The following MICAL3 variants were observed in gnomAD, a reference collection of about 807,000 sequenced individuals.
The protein encoded by MICAL3 is microtubule associated monooxygenase, calponin and LIM domain containing 3, also known as [F-actin]-monooxygenase MICAL3.
MICAL3 carries 62 observed loss-of-function variants against 207.4 expected under a neutral mutation model. The observed-to-expected ratio is 0.30, with a 90% CI of 0.24 to 0.37. The LOEUF (loss-of-function observed/expected upper bound fraction) is 0.37, where lower values mean the gene tolerates loss of function less well. Ranked by LOEUF, MICAL3 falls within the 10% of genes least tolerant of loss-of-function variation. The pLI is 1.00. For missense variants in MICAL3, 2,368 were observed against 2,635.6 expected (o/e 0.90, Z 2.22); for synonymous variants, 1,077 against 1,069.3 (o/e 1.01, Z -0.14).
In MICAL3 at chr22:17,893,918, A is replaced by C; in HGVS notation, c.1450-14T>G. 1 of 1,518,816 alleles carries C rather than the reference A, an allele frequency of 6.6e-7. No individual in the cohort carries two copies. Among genetic ancestry groups the C allele is most frequent in the Non-Finnish European group, 9.0e-7 (1 of 1,116,896 alleles). The allele number at this position is 1,518,816 out of a possible 1,614,324, so 94.1% of individuals were successfully genotyped here. On this transcript the variant is annotated splice_polypyrimidine_tract_variant and intron_variant, in intron 10 of 31. Transcript: ENST00000441493. ...TAAATGGCGCACCTGGCAGAAATTTACAAAGTCAAACAGAAAGAAAATCAA... is the reference window on the plus strand; with the variant it reads ...TAAATGGCGCACCTGGCAGAAATTTCCAAAGTCAAACAGAAAGAAAATCAA...
chr22:17,978,181 A>G lies in MICAL3; in HGVS notation c.-75+46100T>C, dbSNP rs143880589. 3.1e-3 allele frequency among the ~76,000 whole-genome samples: 468 copies of G among 152,370 alleles called. 3 individuals carry two copies. Among genetic ancestry groups the G allele is most frequent in the African/African-American group, 0.011 (442 of 41,578 alleles). ...TGAATGGATAAAGAAAATGTGGTGC[A>G]TACATAAAATGGAATATTATTCTGC... is the stretch of plus-strand genomic sequence containing the variant. On this transcript the variant is annotated intron_variant, in intron 1 of 31. Transcript: ENST00000441493.
chr22:17,908,095 G>C (rs1180505889), intron 1 of MICAL3, among the ~76,000 whole-genome samples: 2 of 152,118 alleles, frequency 1.3e-5, no homozygotes, highest in East Asian at 3.9e-4. Context: ...CACTGGAACT[G>C]TATTGGAAGG....
chr22:17,935,968 A>C (rs1933499691), intron 1 of MICAL3, among the ~76,000 whole-genome samples: 1 of 152,326 alleles, frequency 6.6e-6, no homozygotes, highest in South Asian at 2.1e-4. Flanking sequence ...ACGCTTTTAC[A>C]CTGTTGGTGG....
chr22:17,914,542 T>C (rs1324596640), intron 1 of MICAL3, among the ~76,000 whole-genome samples: 3 of 152,150 alleles, frequency 2.0e-5, no homozygotes, highest in Admixed American at 6.5e-5. Context: ...TGAAAGCTCA[T>C]GAGAATGCAT....
chr22:17,852,645 G>A (rs1347718819), intron 19 of MICAL3, among the ~76,000 whole-genome samples: 1 of 152,194 alleles, frequency 6.6e-6, no homozygotes, highest in Non-Finnish European at 1.5e-5. Context: ...CTCCAAAGGG[G>A]CCACCTGAGG....
intron 1 of MICAL3, among the ~76,000 whole-genome samples, chr22:17,962,130 A>G (rs1187320420): frequency 6.6e-6 from 1 of 152,236 alleles, no homozygotes; most frequent in Non-Finnish European, 1.5e-5. Flanking sequence ...CTGACTGCAC[A>G]TATCACATGG....
chr22:17,849,488 T>C (rs568788026), intron 19 of MICAL3, among the ~76,000 whole-genome samples: 1 of 152,144 alleles, frequency 6.6e-6, no homozygotes, highest in Non-Finnish European at 1.5e-5. Context: ...GTGTGCGCCA[T>C]CACGCCTGGC....
In MICAL3 at chr22:17,870,392, G is replaced by A. The variant is rs569019696; in HGVS notation, c.2428+1445C>T. On this transcript the variant is annotated intron_variant, in intron 17 of 31. Transcript: ENST00000441493. ...CCTAGGCTGTGTAACCGAGCCTTTC[G>A]CTGCACACACTCGTGTCGCCTGCTA... is the stretch of plus-strand genomic sequence containing the variant. Among the ~76,000 whole-genome samples, 45 of 152,130 alleles carry A rather than the reference G, an allele frequency of 3.0e-4. No individual in the cohort carries two copies. The South Asian group carries it at 7.9e-3, about 27-fold the overall frequency.
intron 1 of MICAL3, among the ~76,000 whole-genome samples, chr22:17,943,591 A>T (rs974025895): frequency 3.9e-5 from 6 of 152,240 alleles, no homozygotes; most frequent in African/African-American, 1.4e-4. Flanking sequence ...TCCTTACTCA[A>T]GGTGCCCAAG....
At chr22:17,791,367 A>G (rs1311607765) in intron 29 of MICAL3, 66 bp from the exon 30 acceptor site, 3 of 1,369,166 alleles carry the variant, frequency 2.2e-6, no homozygotes, top group Non-Finnish European at 3.1e-6. Context: ...CAGGAATCAC[A>G]CGGGGCAAAT....
intron 1 of MICAL3, among the ~76,000 whole-genome samples, chr22:17,989,135 C>T (rs1342913731): frequency 6.6e-6 from 1 of 152,150 alleles, no homozygotes; most frequent in Non-Finnish European, 1.5e-5. Flanking sequence ...CCCATAAAGC[C>T]CACACTGTAC....
intron 5 of MICAL3, among the ~76,000 whole-genome samples, chr22:17,901,543 G>A (rs372171565): frequency 3.9e-5 from 6 of 152,246 alleles, no homozygotes; most frequent in South Asian, 2.1e-4. Context: ...GGTGGCACGC[G>A]CCTGTAGTCC....
Position 17,887,186 on chromosome 22 carries a change from G to A in MICAL3, c.2051C>T (p.Thr684Ile). The stretch of plus-strand genomic sequence containing the variant: ...GAATCTCACCTCCTCTGATTGACTG[G>A]TCTTTCTCCTCTTCCCAGCACCATC... ...DLDGAGKRRK[T>I]SQSEEEEAPR... Residue 684 changes from threonine to isoleucine, a missense_variant, in exon 15 of 32, where the codon ACC becomes ATC. Around this residue, in one of 4 missense-constraint regions of MICAL3, gnomAD observed 1,770 missense variants for 1,863.2 expected, o/e 0.95. Transcript: ENST00000441493. 6.2e-7 allele frequency: 1 copy of A among 1,613,546 alleles called. No homozygotes were observed. The highest frequency in any genetic ancestry group is 8.5e-7 in the Non-Finnish European group (1 of 1,179,702).
rs1322185320 is a variant in MICAL3 at position 17,816,699 on chromosome 22, G to A, written c.5436C>T (p.Ser1812=). 1 of 1,552,786 alleles carries A rather than the reference G, an allele frequency of 6.4e-7. No individual in the cohort carries two copies. The highest frequency in any genetic ancestry group is 8.7e-7 in the Non-Finnish European group (1 of 1,147,774). ...CTGCCTGACTACCCACCTCTCGCCGGGACTTCTGTGAGGACTTCTCAAGGA... is the reference window on the plus strand; with the variant it reads ...CTGCCTGACTACCCACCTCTCGCCGAGACTTCTGTGAGGACTTCTCAAGGA... The part of the protein sequence containing the change: ...DDVLEKSSQK[S]RREPRTYTEE... Residue 1812 remains serine, a synonymous_variant, in exon 27 of 32, where the codon TCC becomes TCT. Transcript: ENST00000441493.
chr22:17,903,173 C>T (rs1931456366), intron 3 of MICAL3, among the ~76,000 whole-genome samples: 1 of 152,258 alleles, frequency 6.6e-6, no homozygotes. Flanking sequence ...TCCCCGCCCA[C>T]AGGCGTCTTT....
intron 12 of MICAL3, 65 bp downstream of exon 12, chr22:17,891,420 T>C (rs1930386400): frequency 6.8e-7 from 1 of 1,465,144 alleles, no homozygotes; most frequent in Non-Finnish European, 9.5e-7. Context: ...AAATGTTACT[T>C]GATAGCAGAG....
At chr22:17,941,459 G>A (rs2146337970) in intron 1 of MICAL3, among the ~76,000 whole-genome samples, 1 of 152,304 alleles carries the variant, frequency 6.6e-6, no homozygotes, top group African/African-American at 2.4e-5. Context: ...AGGACTTGCA[G>A]GAGACCCTGC....
At chr22:17,908,542 C>T (rs1029969059) in intron 1 of MICAL3, among the ~76,000 whole-genome samples, 7 of 152,246 alleles carry the variant, frequency 4.6e-5, no homozygotes, top group African/African-American at 7.2e-5. Context: ...CTCCTGACCT[C>T]GTGATCTGCC....
chr22:17,840,095 T>C (rs1354230020), intron 20 of MICAL3: 1 of 151,910 alleles, frequency 6.6e-6, no homozygotes, highest in Non-Finnish European at 1.5e-5. Flanking sequence ...TAATTTTAAT[T>C]TTTTTTGAGA....
Sources: allele counts gnomAD v4.1 joint callset (sites outside exome capture counted in the v4.1 genomes callset), GRCh38; gene constraint gnomAD v4.1.1; regional missense constraint gnomAD v4.1.1; transcripts MANE v1.5; gene names NCBI Gene and HGNC (gene_info 2026-07-23, HGNC 2026-07-21).